PKN2: variants seen among roughly 807,000 people sequenced by gnomAD.
PKN2 encodes serine/threonine-protein kinase N2.
Under a neutral mutation model 119.1 loss-of-function variants are expected in PKN2, and 38 were observed. The observed-to-expected ratio is 0.32, with a 90% CI of 0.25 to 0.42. The LOEUF is 0.42. PKN2 is among the 10% of genes least tolerant of loss of function. PKN2 has a pLI of 1.00. For missense variants in PKN2, 850 were observed against 1,165.1 expected, an observed-to-expected ratio of 0.73 and a Z score of 3.94; for synonymous variants, 390 against 384.9, an observed-to-expected ratio of 1.01 and a Z score of -0.15.
At chr1:88,793,351 G>A (rs975698707) in intron 8 of PKN2, among the ~76,000 whole-genome samples, 1 of 151,952 alleles carries the variant, frequency 6.6e-6, no homozygotes, top group Non-Finnish European at 1.5e-5. Flanking sequence ...TATGCTATGT[G>A]ATTCATCTGC....
intron 16 of PKN2, chr1:88,815,402 A>G: frequency 2.9e-6 from 1 of 344,906 alleles, no homozygotes; most frequent in South Asian, 2.2e-5. Flanking sequence ...CACATCACTA[A>G]CCAATTCAGT....
At chr1:88,717,413 C>G (rs1322752798) in intron 1 of PKN2, among the ~76,000 whole-genome samples, 1 of 152,044 alleles carries the variant, frequency 6.6e-6, no homozygotes. Flanking sequence ...TCCATTCTCC[C>G]CATCACTTTC....
At chr1:88,717,207 T>C (rs1243211292) in intron 1 of PKN2, among the ~76,000 whole-genome samples, 2 of 152,172 alleles carry the variant, frequency 1.3e-5, no homozygotes, top group Non-Finnish European at 2.9e-5. Flanking sequence ...ACCTGACCTT[T>C]CTCTCTGGCT....
At chr1:88,818,646 T>G (rs1366575948) in intron 16 of PKN2, among the ~76,000 whole-genome samples, 1 of 117,996 alleles carries the variant, frequency 8.5e-6, no homozygotes, top group African/African-American at 3.8e-5. Context: ...AGACTCCTTC[T>G]CAAAAAAAAA....
Position 88,684,377 on chromosome 1 carries a change from A to T in PKN2, c.-204A>T. ...TGAGGGCGGCGAGAGGAAGCCCGCT[A>T]CGAGTGCCCTAGCTCCCCGCCGCTC... On this transcript the variant is annotated 5_prime_UTR_variant, in exon 1 of 22. Coordinates refer to ENST00000370521, the MANE Select transcript of PKN2 (RefSeq NM_006256.4). 2.0e-6 allele frequency: 1 copy of T among 496,846 alleles called. No individual in the cohort carries two copies. The highest frequency in any genetic ancestry group is 3.6e-6 in the Non-Finnish European group (1 of 281,294). The allele number at this position is 496,846 out of a possible 1,614,324, so 30.8% of individuals were successfully genotyped here.
intron 2 of PKN2, among the ~76,000 whole-genome samples, chr1:88,747,562 AATCTTGGT>A (rs1478357565): frequency 5.3e-5 from 8 of 152,100 alleles, no homozygotes; most frequent in Admixed American, 2.0e-4. Flanking sequence ...CGGTTTCCTG[AATCTTGGT>A]TTCTTTAAGT....
chr1:88,725,997 C>A (rs1187674289), intron 1 of PKN2, among the ~76,000 whole-genome samples: 3 of 152,112 alleles, frequency 2.0e-5, no homozygotes, highest in Non-Finnish European at 4.4e-5. Context: ...ACTTTGTTGT[C>A]TACACAGTCA....
chr1:88,721,161 A>G (rs1282799978), intron 1 of PKN2, among the ~76,000 whole-genome samples: 2 of 152,110 alleles, frequency 1.3e-5, no homozygotes, highest in South Asian at 2.1e-4. Flanking sequence ...TGCTGGATCA[A>G]ATGGTAGACC....
chr1:88,719,868 G>A (rs367879380), intron 1 of PKN2, among the ~76,000 whole-genome samples: 1 of 152,080 alleles, frequency 6.6e-6, no homozygotes, highest in East Asian at 1.9e-4. Context: ...TAAGTGATAA[G>A]TAACAGATAC....
At chr1:88,808,102 T>C (rs1304597033) in intron 15 of PKN2, among the ~76,000 whole-genome samples, 1 of 152,178 alleles carries the variant, frequency 6.6e-6, no homozygotes, top group East Asian at 1.9e-4. Context: ...TGGGGCTATA[T>C]TTCATTCTGT....
chr1:88,698,384 C>A (rs1471259467), intron 1 of PKN2, among the ~76,000 whole-genome samples: 1 of 152,128 alleles, frequency 6.6e-6, no homozygotes, highest in Non-Finnish European at 1.5e-5. Flanking sequence ...ATGTCCTCAA[C>A]AAGTTTTACA....
intron 8 of PKN2, among the ~76,000 whole-genome samples, chr1:88,794,210 A>G (rs897055760): frequency 6.6e-6 from 1 of 152,066 alleles, no homozygotes; most frequent in Non-Finnish European, 1.5e-5. Context: ...TCTACTAAAA[A>G]TACAGAATTA....
chr1:88,823,873 G>A (rs1469063721), intron 17 of PKN2, among the ~76,000 whole-genome samples: 1 of 151,716 alleles, frequency 6.6e-6, no homozygotes, highest in Non-Finnish European at 1.5e-5. Context: ...GCCGGGTGTA[G>A]TGGCACGCGA....
intron 2 of PKN2, among the ~76,000 whole-genome samples, chr1:88,748,715 G>A (rs1156555640): frequency 1.3e-5 from 2 of 152,158 alleles, no homozygotes; most frequent in Middle Eastern, 3.4e-3. Flanking sequence ...TGGGGGGATC[G>A]TTTGAGCTCA....
At chr1:88,777,441 T>C (rs986813329) in intron 6 of PKN2, among the ~76,000 whole-genome samples, 1 of 152,238 alleles carries the variant, frequency 6.6e-6, no homozygotes, top group Non-Finnish European at 1.5e-5. Context: ...GACCGTATTC[T>C]GTTACTGTGC....
At chr1:88,738,887 C>T (rs777025209) in intron 1 of PKN2, among the ~76,000 whole-genome samples, 4 of 152,170 alleles carry the variant, frequency 2.6e-5, no homozygotes, top group African/African-American at 9.7e-5. Context: ...TGACAATAGA[C>T]ATGTGCTAGT....
chr1:88,827,319 A>G (rs1672536811), intron 18 of PKN2, among the ~76,000 whole-genome samples: 1 of 152,156 alleles, frequency 6.6e-6, no homozygotes, highest in African/African-American at 2.4e-5. Flanking sequence ...AAATGTTTTG[A>G]ATTTCAGATT....
chr1:88,763,875 A>G (rs1334001888), intron 3 of PKN2, among the ~76,000 whole-genome samples: 3 of 152,146 alleles, frequency 2.0e-5, no homozygotes, highest in African/African-American at 7.2e-5. Flanking sequence ...CTTTATAATG[A>G]TAGAGAATTC....
intron 1 of PKN2, among the ~76,000 whole-genome samples, chr1:88,706,795 A>G (rs1267806404): frequency 6.6e-6 from 1 of 152,094 alleles, no homozygotes; most frequent in Non-Finnish European, 1.5e-5. Flanking sequence ...CATTCAGTTC[A>G]GAATATGTGC....
Sources: gnomAD v4.1 joint callset for allele counts (sites outside exome capture counted in the v4.1 genomes callset) on GRCh38, gnomAD v4.1.1 for gene constraint, MANE v1.5 for transcripts, NCBI Gene and HGNC (gene_info 2026-07-23, HGNC 2026-07-21) for gene names.